The following HACD2 variants were observed in gnomAD, a reference collection of about 807,000 sequenced individuals.
The protein encoded by HACD2 is 3-hydroxyacyl-CoA dehydratase 2, also known as very-long-chain (3R)-3-hydroxyacyl-CoA dehydratase 2.
HACD2 carries 15 observed loss-of-function variants against 31.0 expected under a neutral mutation model. The observed-to-expected ratio is 0.48, with a 90% CI of 0.32 to 0.75. HACD2 has a LOEUF of 0.75. Ranked by LOEUF, HACD2 falls within the 30% of genes least tolerant of loss-of-function variation. The probability of loss-of-function intolerance (pLI) is 0.03; values close to 1 mark genes in which losing one functional copy is unlikely to be tolerated. For synonymous variants in HACD2, 115 were observed against 122.2 expected (o/e 0.94, Z 0.39); for missense variants, 283 against 313.0 (o/e 0.90, Z 0.72).
At chr3:123,578,683 G>C (rs1034180629) in intron 2 of HACD2, among the ~76,000 whole-genome samples, 4 of 152,140 alleles carry the variant, frequency 2.6e-5, no homozygotes, top group Non-Finnish European at 5.9e-5. Context: ...TGTGAAATTG[G>C]AGAACAAGTA....
chr3:123,567,422 GA>G (rs1303403063), intron 3 of HACD2, among the ~76,000 whole-genome samples: 1 of 152,176 alleles, frequency 6.6e-6, no homozygotes, highest in Non-Finnish European at 1.5e-5. Flanking sequence ...AGTGATCACA[GA>G]GAGGGCTTTT....
At chr3:123,578,165 T>C (rs2056927677) in intron 2 of HACD2, among the ~76,000 whole-genome samples, 1 of 152,268 alleles carries the variant, frequency 6.6e-6, no homozygotes, top group Non-Finnish European at 1.5e-5. Context: ...ACATGCATTT[T>C]TTCAAGATTT....
At chr3:123,530,059 T>C (rs2056336608) in intron 3 of HACD2, among the ~76,000 whole-genome samples, 1 of 152,232 alleles carries the variant, frequency 6.6e-6, no homozygotes, top group Non-Finnish European at 1.5e-5. Flanking sequence ...TAGACCTATT[T>C]TGAAAATCAT....
chr3:123,545,011 C>T (rs1398158165), intron 3 of HACD2, among the ~76,000 whole-genome samples: 2 of 110,944 alleles, frequency 1.8e-5, no homozygotes, highest in African/African-American at 7.3e-5. Context: ...GAGGTCGAAG[C>T]TGTAGTAAGA....
chr3:123,578,237 GACC>G (rs1559937504), intron 2 of HACD2, among the ~76,000 whole-genome samples: 1 of 152,012 alleles, frequency 6.6e-6, no homozygotes, highest in African/African-American at 2.4e-5. Context: ...TATATCCATA[GACC>G]ACATTTTATC....
At chr3:123,572,554 G>A (rs1187577149) in intron 2 of HACD2, among the ~76,000 whole-genome samples, 1 of 152,066 alleles carries the variant, frequency 6.6e-6, no homozygotes, top group East Asian at 1.9e-4. Flanking sequence ...CTCTCCTCTT[G>A]TGTCCCTTCC....
rs746390843 is a variant in HACD2 at position 123,494,263 on chromosome 3, GAAAC to G, written c.*621_*624del. 9 of 152,840 alleles carry G rather than the reference GAAAC, an allele frequency of 5.9e-5. No homozygotes were observed. In the East Asian group the frequency reaches 1.7e-3, roughly 29 times the overall value. 9.5% of individuals were successfully genotyped at this position (152,840 alleles called of 1,614,324 possible). ...GTGGCAGGCAGTAATGACTCAATTG[GAAAC>G]AAACAAAAGGGTTCTAAGTTGTTTT... is the stretch of plus-strand genomic sequence containing the variant. On this transcript the variant is annotated 3_prime_UTR_variant, in exon 7 of 7. Coordinates refer to ENST00000383657, the MANE Select transcript of HACD2 (RefSeq NM_198402.5).
chr3:123,529,290 T>C (rs1330634825), intron 3 of HACD2, among the ~76,000 whole-genome samples: 1 of 152,150 alleles, frequency 6.6e-6, no homozygotes, highest in Non-Finnish European at 1.5e-5. Context: ...TTGGTAGAGA[T>C]AGGGCTTCAC....
At chr3:123,497,464 C>T (rs951040733) in intron 6 of HACD2, among the ~76,000 whole-genome samples, 6 of 152,068 alleles carry the variant, frequency 3.9e-5, no homozygotes, top group South Asian at 2.1e-4. Flanking sequence ...CTGTGGAGGA[C>T]GACAGCACCA....
intron 2 of HACD2, among the ~76,000 whole-genome samples, chr3:123,574,170 A>G (rs531108871): frequency 2.6e-5 from 4 of 152,328 alleles, no homozygotes; most frequent in African/African-American, 9.6e-5. Flanking sequence ...ATAATCATTC[A>G]TTCATCATAT....
chr3:123,528,326 C>T (rs2056310188), intron 4 of HACD2, 60 bp downstream of exon 4: 1 of 1,005,444 alleles, frequency 9.9e-7, no homozygotes, highest in Admixed American at 1.7e-5. Context: ...ACATGTGAAT[C>T]AGAAAAGTTG....
chr3:123,557,117 C>T (rs1187396518), intron 3 of HACD2, among the ~76,000 whole-genome samples: 1 of 152,006 alleles, frequency 6.6e-6, no homozygotes, highest in African/African-American at 2.4e-5. Context: ...GGCTGCGCAG[C>T]AGGAGAGCAG....
intron 4 of HACD2, 54 bp from the exon 5 acceptor site, chr3:123,502,735 A>T: frequency 6.5e-7 from 1 of 1,546,634 alleles, no homozygotes; most frequent in South Asian, 1.2e-5. Flanking sequence ...GTTAATGAAG[A>T]CAGTGTGCAG....
At chr3:123,507,723 A>C (rs914277285) in intron 4 of HACD2, among the ~76,000 whole-genome samples, 1 of 152,184 alleles carries the variant, frequency 6.6e-6, no homozygotes, top group Non-Finnish European at 1.5e-5. Flanking sequence ...TGTACCCACA[A>C]AAATTTTAAA....
intron 3 of HACD2, among the ~76,000 whole-genome samples, chr3:123,552,990 A>G (rs1219653961): frequency 2.0e-5 from 3 of 152,010 alleles, no homozygotes; most frequent in Non-Finnish European, 2.9e-5. Context: ...CAACACACAT[A>G]TGTTTGGAAT....
At chr3:123,564,341 C>T (rs958261137) in intron 3 of HACD2, among the ~76,000 whole-genome samples, 1 of 152,078 alleles carries the variant, frequency 6.6e-6, no homozygotes, top group African/African-American at 2.4e-5. Flanking sequence ...GTCAGAAGGG[C>T]AATGAGCTAA....
intron 2 of HACD2, among the ~76,000 whole-genome samples, chr3:123,576,913 A>G (rs972784959): frequency 6.6e-6 from 1 of 152,202 alleles, no homozygotes; most frequent in African/African-American, 2.4e-5. Flanking sequence ...GGATCTGAAG[A>G]GCATTGTGAA....
intron 2 of HACD2, among the ~76,000 whole-genome samples, chr3:123,571,528 C>T (rs1294959305): frequency 6.6e-6 from 1 of 152,124 alleles, no homozygotes; most frequent in East Asian, 1.9e-4. Context: ...ACGTGCAAGG[C>T]CTGGAGAGCA....
chr3:123,581,922 G>A (rs1412869224), intron 2 of HACD2, among the ~76,000 whole-genome samples: 1 of 152,094 alleles, frequency 6.6e-6, no homozygotes, highest in East Asian at 1.9e-4. Context: ...TTTTGCCAGT[G>A]CTTCCCCAGG....
Sources: gnomAD v4.1 joint callset for allele counts (sites outside exome capture counted in the v4.1 genomes callset) on GRCh38, gnomAD v4.1.1 for gene constraint, MANE v1.5 for transcripts, NCBI Gene and HGNC (gene_info 2026-07-23, HGNC 2026-07-21) for gene names.